Variants in ARAP2 observed in about 807,000 individuals in gnomAD.
ARAP2 encodes ArfGAP with RhoGAP domain, ankyrin repeat and PH domain 2.
A neutral mutation model predicts 194.5 loss-of-function variants in ARAP2; 148 were observed. The ratio of observed to expected loss-of-function variants is 0.76; its 90% CI spans 0.67 to 0.87. The LOEUF (loss-of-function observed/expected upper bound fraction) is 0.87, where lower values mean the gene tolerates loss of function less well. Among genes scored for constraint, ARAP2 ranks in the 40% least tolerant of loss-of-function variants. The probability of loss-of-function intolerance (pLI) is 0.00; values close to 1 mark genes in which losing one functional copy is unlikely to be tolerated. For synonymous variants in ARAP2, 695 were observed against 683.5 expected (o/e 1.02, Z -0.26); for missense variants, 2,128 against 1,989.7 (o/e 1.07, Z -1.32).
chr4:36,241,612 C>T (rs952163667), intron 1 of ARAP2, among the ~76,000 whole-genome samples: 2 of 151,922 alleles, frequency 1.3e-5, no homozygotes, highest in Admixed American at 6.6e-5. Flanking sequence ...GTAAATGGCA[C>T]GTATATGAAC....
chr4:36,009,545 G>A (rs919340930), intron 9 of ARAP2, among the ~76,000 whole-genome samples: 1 of 151,950 alleles, frequency 6.6e-6, no homozygotes, highest in African/African-American at 2.4e-5. Flanking sequence ...GGTAAGGATT[G>A]GATACTATGT....
At chr4:36,111,206 C>T (rs911689491) in intron 26 of ARAP2, among the ~76,000 whole-genome samples, 2 of 151,892 alleles carry the variant, frequency 1.3e-5, no homozygotes, top group African/African-American at 4.8e-5. Flanking sequence ...CATTAGCAAA[C>T]ACACCAACTG....
intron 7 of ARAP2, among the ~76,000 whole-genome samples, chr4:36,193,253 C>T (rs1742347417): frequency 6.6e-6 from 1 of 152,024 alleles, no homozygotes; most frequent in South Asian, 2.1e-4. Flanking sequence ...AAAAAGAAGG[C>T]TAAATATCTA....
At position 36,199,537 on chromosome 4, in the gene ARAP2, G is replaced by A. The variant is rs111631760; in HGVS notation, c.1488-5890C>T. Among the ~76,000 whole-genome samples the A allele has an allele frequency of 6.2e-3, 945 of 152,172 alleles. 12 individuals are homozygous for A. Among genetic ancestry groups the A allele is most frequent in the African/African-American group, 0.022 (895 of 41,488 alleles). ...AAATTCCTGACCTCATGATCTGCCC[G>A]CCTGGACCTCCCAAAATGCTGGGTT... is the stretch of plus-strand genomic sequence containing the variant. On this transcript the variant is annotated intron_variant, in intron 6 of 32. Coordinates refer to ENST00000303965, the MANE Select transcript of ARAP2 (RefSeq NM_015230.4).
intron 19 of ARAP2, among the ~76,000 whole-genome samples, chr4:36,137,924 CA>C (rs1727234892): frequency 6.6e-6 from 1 of 151,752 alleles, no homozygotes; most frequent in Non-Finnish European, 1.5e-5. Flanking sequence ...CAATTTATTA[CA>C]GTCACACTAT....
chr4:36,138,543 G>T (rs1727405177), intron 19 of ARAP2, among the ~76,000 whole-genome samples: 1 of 151,508 alleles, frequency 6.6e-6, no homozygotes, highest in African/African-American at 2.4e-5. Flanking sequence ...TGTTAATATA[G>T]GTCCCTTTAT....
At chr4:36,145,548 G>A (rs949253353) in intron 19 of ARAP2, among the ~76,000 whole-genome samples, 18 of 152,020 alleles carry the variant, frequency 1.2e-4, no homozygotes, top group African/African-American at 4.1e-4. Context: ...AAGGGGGCAA[G>A]GGCTGAAAAA....
intron 8 of ARAP2, among the ~76,000 whole-genome samples, chr4:36,180,207 G>T (rs977879290): frequency 6.6e-6 from 1 of 152,256 alleles, no homozygotes; most frequent in African/African-American, 2.4e-5. Context: ...GGGAGACTGA[G>T]GTTGCAGTGA....
At chr4:36,212,297 T>C (rs901152509) in intron 5 of ARAP2, 99 bp downstream of exon 5, 25 of 1,017,982 alleles carry the variant, frequency 2.5e-5, no homozygotes, top group Middle Eastern at 3.2e-4. Flanking sequence ...CACCATAAAC[T>C]ATTTTCTCTG....
In ARAP2 at chr4:36,107,673, C is replaced by T; in HGVS notation, c.4177G>A (p.Glu1393Lys). ...CGAAGCACCTGCTCCAGTACATTTT[C>T]CTTGTAGTGAAGAGGACGCTCTGTA... The part of the protein sequence containing the change: ...EELERPLHYK[E>K]NVLEQVLRWS... Residue 1393 changes from glutamate (E) to lysine (K), a missense_variant, in exon 27 of 33, where the codon GAA (glutamate) becomes AAA (lysine). By Grantham distance (56) the Glu-to-Lys change is moderately conservative. Transcript: ENST00000303965. 6.2e-7 allele frequency: 1 copy of T among 1,608,636 alleles called. No homozygotes were observed.
intron 19 of ARAP2, among the ~76,000 whole-genome samples, chr4:36,139,519 C>T (rs1430351012): frequency 4.6e-5 from 7 of 151,468 alleles, no homozygotes; most frequent in Non-Finnish European, 1.0e-4. Context: ...AAATATATTC[C>T]GTTTATTCAT....
intron 27 of ARAP2, among the ~76,000 whole-genome samples, chr4:36,094,678 A>G (rs1253563164): frequency 6.6e-6 from 1 of 152,196 alleles, no homozygotes; most frequent in African/African-American, 2.4e-5. Flanking sequence ...ACACAATGGT[A>G]ATAATCTGAG....
intron 23 of ARAP2, among the ~76,000 whole-genome samples, chr4:36,120,615 T>C (rs910395698): frequency 6.6e-6 from 1 of 151,650 alleles, no homozygotes; most frequent in African/African-American, 2.4e-5. Context: ...TTTCCCCTAT[T>C]TTTACTTCTT....
chr4:36,049,242 T>A (rs1043465176), intron 3 of ARAP2, among the ~76,000 whole-genome samples: 18 of 152,110 alleles, frequency 1.2e-4, no homozygotes, highest in South Asian at 2.1e-4. Flanking sequence ...TGACAAAAAA[T>A]TTTTTCTGAA....
At position 36,165,173 on chromosome 4, in the gene ARAP2, T is replaced by C. The variant is rs561294873; in HGVS notation, c.1974-60A>G. The stretch of plus-strand genomic sequence containing the variant: ...CCTTGTAAAGGCCAATTAAGCAGTA[T>C]GTTCAGTTTGCATATTCATTTCACT... On this transcript the variant is annotated intron_variant, in intron 10 of 32. Coordinates refer to ENST00000303965, the MANE Select transcript of ARAP2 (RefSeq NM_015230.4). 25 of 1,524,824 alleles carry C rather than the reference T, an allele frequency of 1.6e-5. No homozygotes were observed. The African/African-American group carries it at 1.6e-4, about 10-fold the overall frequency. 94.5% of individuals were successfully genotyped at this position (1,524,824 alleles called of 1,614,324 possible).
At chr4:36,226,981 A>G (rs532740545) in intron 2 of ARAP2, among the ~76,000 whole-genome samples, 2 of 152,342 alleles carry the variant, frequency 1.3e-5, no homozygotes, top group East Asian at 3.9e-4. Context: ...TTAATTATTC[A>G]AAATTAGCAA....
chr4:36,129,216 A>G (rs1288171217), intron 20 of ARAP2, among the ~76,000 whole-genome samples: 1 of 151,876 alleles, frequency 6.6e-6, no homozygotes, highest in African/African-American at 2.4e-5. Context: ...ATGGTTACTG[A>G]TTCATGAAGT....
At chr4:36,029,914 C>T (rs527638645) in intron 5 of ARAP2, among the ~76,000 whole-genome samples, 3 of 152,086 alleles carry the variant, frequency 2.0e-5, no homozygotes, top group Admixed American at 6.6e-5. Flanking sequence ...TTCCTGTTTT[C>T]CTTTTTGTAG....
chr4:36,061,106 T>C (rs1216078878), downstream of ARAP2, among the ~76,000 whole-genome samples: 2 of 152,190 alleles, frequency 1.3e-5, no homozygotes, highest in East Asian at 1.9e-4. Context: ...AGTAGGTGTA[T>C]ACACTTATGG....
Sources: gnomAD v4.1 joint callset for allele counts (sites outside exome capture counted in the v4.1 genomes callset) on GRCh38, gnomAD v4.1.1 for gene constraint, MANE v1.5 for transcripts, NCBI Gene and HGNC (gene_info 2026-07-23, HGNC 2026-07-21) for gene names.